Variants in GRM7 observed in about 807,000 individuals in gnomAD.
The protein encoded by GRM7 is metabotropic glutamate receptor 7.
Under a neutral mutation model 84.5 loss-of-function variants are expected in GRM7, and 35 were observed. That is an observed-to-expected ratio of 0.41 (90% CI 0.32 to 0.55). The LOEUF (loss-of-function observed/expected upper bound fraction) is 0.55, where lower values mean the gene tolerates loss of function less well. GRM7 is among the 20% of genes least tolerant of loss of function. The pLI is 0.19. For synonymous variants in GRM7, 487 were observed against 455.1 expected, an observed-to-expected ratio of 1.07 and a Z score of -0.89; for missense variants, 1,003 against 1,194.6, an observed-to-expected ratio of 0.84 and a Z score of 2.36.
At chr3:7,693,363 T>A (rs1021998450) in intron 9 of GRM7, among the ~76,000 whole-genome samples, 2 of 151,648 alleles carry the variant, frequency 1.3e-5, no homozygotes, top group African/African-American at 2.4e-5. Context: ...AAAAGCTAAT[T>A]CCCCCCACCC....
chr3:7,440,355 T>C (rs1575338848), intron 5 of GRM7, among the ~76,000 whole-genome samples: 1 of 152,172 alleles, frequency 6.6e-6, no homozygotes, highest in East Asian at 1.9e-4. Flanking sequence ...CAACATTTCT[T>C]ACAGCATCTA....
chr3:7,304,034 G>A (rs1700099962), intron 3 of GRM7, among the ~76,000 whole-genome samples: 1 of 151,812 alleles, frequency 6.6e-6, no homozygotes, highest in Non-Finnish European at 1.5e-5. Flanking sequence ...AGTTAGGGTG[G>A]TAATGTGCGG....
rs111485428 is a variant in GRM7, at chr3:7,361,256, G to C, written c.1034-53767G>C. Reference sequence around the variant, plus strand: ...AACTAGATTATTTTTAACGTGGAAAGTACCTTCTCAGAATTTTATCTGTAG... The same window carrying C: ...AACTAGATTATTTTTAACGTGGAAACTACCTTCTCAGAATTTTATCTGTAG... On this transcript the variant is annotated intron_variant, in intron 4 of 9. Coordinates refer to ENST00000357716, the MANE Select transcript of GRM7 (RefSeq NM_000844.4). 6.1e-3 allele frequency among the ~76,000 whole-genome samples: 931 copies of C among 152,116 alleles called. 6 individuals carry two copies. Among genetic ancestry groups the C allele is most frequent in the African/African-American group, 0.021 (878 of 41,490 alleles).
chr3:7,564,491 G>A (rs943145199), intron 7 of GRM7, among the ~76,000 whole-genome samples: 4 of 152,116 alleles, frequency 2.6e-5, no homozygotes, highest in South Asian at 2.1e-4. Context: ...AAAGGAAGTT[G>A]ATGTGTTCAC....
At chr3:7,039,475 C>T (rs1696511894) in intron 1 of GRM7, among the ~76,000 whole-genome samples, 1 of 152,188 alleles carries the variant, frequency 6.6e-6, no homozygotes, top group Admixed American at 6.5e-5. Context: ...GAATTTGTGA[C>T]AGCTTATTCC....
intron 2 of GRM7, among the ~76,000 whole-genome samples, chr3:7,155,531 C>G (rs976473444): frequency 6.6e-5 from 10 of 152,022 alleles, no homozygotes; most frequent in Non-Finnish European, 1.2e-4. Flanking sequence ...ATACTCCAAT[C>G]CAAGAAACAT....
At chr3:7,387,139 GT>G (rs1183308336) in intron 4 of GRM7, among the ~76,000 whole-genome samples, 2 of 152,008 alleles carry the variant, frequency 1.3e-5, no homozygotes, top group African/African-American at 4.8e-5. Context: ...ATGGTTATTT[GT>G]TTTTTTCTTG....
intron 1 of GRM7, among the ~76,000 whole-genome samples, chr3:6,954,812 C>T (rs1692957495): frequency 6.6e-6 from 1 of 152,026 alleles, no homozygotes; most frequent in African/African-American, 2.4e-5. Flanking sequence ...ATAGTAAGTG[C>T]CTAATAAATG....
chr3:7,443,497 G>C (rs1441983206), intron 5 of GRM7, among the ~76,000 whole-genome samples: 1 of 151,124 alleles, frequency 6.6e-6, no homozygotes, highest in African/African-American at 2.4e-5. Context: ...CAATTTTTTT[G>C]TAATCTAAAT....
intron 1 of GRM7, among the ~76,000 whole-genome samples, chr3:7,090,455 T>C (rs954324346): frequency 1.3e-5 from 2 of 152,170 alleles, no homozygotes; most frequent in Non-Finnish European, 2.9e-5. Flanking sequence ...TAGCATTCTT[T>C]CAAATGCAAG....
At chr3:6,924,754 G>A (rs1285522511) in intron 1 of GRM7, among the ~76,000 whole-genome samples, 1 of 152,128 alleles carries the variant, frequency 6.6e-6, no homozygotes, top group Non-Finnish European at 1.5e-5. Context: ...GAAACTCAGA[G>A]TATGTTAGCA....
intron 5 of GRM7, among the ~76,000 whole-genome samples, chr3:7,418,199 G>C (rs1696251841): frequency 1.3e-5 from 2 of 152,068 alleles, no homozygotes; most frequent in Non-Finnish European, 2.9e-5. Context: ...CACTTTCCTT[G>C]ATACCAAATC....
rs900420395 is a variant in GRM7, at chr3:7,251,406, A to G, written c.737-47278A>G. Among the ~76,000 whole-genome samples the G allele has an allele frequency of 1.5e-4, 23 of 152,280 alleles. 1 individual carries two copies. The highest frequency in any genetic ancestry group is 8.8e-5 in the Non-Finnish European group (6 of 68,022). On this transcript the variant is annotated intron_variant, in intron 2 of 9. Coordinates refer to ENST00000357716, the MANE Select transcript of GRM7 (RefSeq NM_000844.4). ...TTTCATAGTTTCAGTATCACTGTGAAGGTACTGTTACTTTTTTTTCACAAA... is the reference window on the plus strand; with the variant it reads ...TTTCATAGTTTCAGTATCACTGTGAGGGTACTGTTACTTTTTTTTCACAAA...
At chr3:7,220,613 AAAG>A (rs1226890690) in intron 2 of GRM7, among the ~76,000 whole-genome samples, 1 of 152,186 alleles carries the variant, frequency 6.6e-6, no homozygotes, top group African/African-American at 2.4e-5. Flanking sequence ...TAGGTAAAAA[AAAG>A]AAATACCAAT....
chr3:6,999,612 T>C (rs1466138274), intron 1 of GRM7, among the ~76,000 whole-genome samples: 1 of 152,160 alleles, frequency 6.6e-6, no homozygotes, highest in African/African-American at 2.4e-5. Context: ...AAGGCTTAAT[T>C]GACTCACAGT....
chr3:7,421,075 A>C (rs561099439), intron 5 of GRM7, among the ~76,000 whole-genome samples: 126 of 152,314 alleles, frequency 8.3e-4, no homozygotes, highest in African/African-American at 2.9e-3. Flanking sequence ...AATAGACTTT[A>C]GTGTAACATT....
chr3:7,428,363 T>A (rs761402245), intron 5 of GRM7, among the ~76,000 whole-genome samples: 9 of 152,186 alleles, frequency 5.9e-5, no homozygotes, highest in Non-Finnish European at 8.8e-5. Flanking sequence ...TGGCTCAACT[T>A]TTTTTCTCCT....
chr3:7,013,388 C>A (rs1371018035), intron 1 of GRM7, among the ~76,000 whole-genome samples: 1 of 152,032 alleles, frequency 6.6e-6, no homozygotes, highest in Non-Finnish European at 1.5e-5. Flanking sequence ...TCCCCTCTGC[C>A]TTGATTATTT....
chr3:7,638,785 A>C lies in GRM7; in HGVS notation c.2452-41264A>C, dbSNP rs559719828. Among the ~76,000 whole-genome samples, 5 of 152,326 alleles carry C rather than the reference A, an allele frequency of 3.3e-5. No homozygotes were observed. In the South Asian group the frequency reaches 8.3e-4, roughly 25 times the overall value. On this transcript the variant is annotated intron_variant, in intron 8 of 9. Transcript: ENST00000357716. ...CACAAAGAAGACAATGTGGAAACGA[A>C]GACACCACTACTGTGTGCTCCCTGC...
Sources: gnomAD v4.1 joint callset for allele counts (sites outside exome capture counted in the v4.1 genomes callset) on GRCh38, gnomAD v4.1.1 for gene constraint, MANE v1.5 for transcripts, NCBI Gene and HGNC (gene_info 2026-07-23, HGNC 2026-07-21) for gene names.